The following MRPL9 variants were observed in gnomAD, a reference collection of about 807,000 sequenced individuals.
The protein encoded by MRPL9 is large ribosomal subunit protein bL9m.
MRPL9 carries 25 observed loss-of-function variants against 27.6 expected under a neutral mutation model. The ratio of observed to expected loss-of-function variants is 0.91; its 90% CI spans 0.66 to 1.27. The LOEUF (loss-of-function observed/expected upper bound fraction) is 1.27, where lower values mean the gene tolerates loss of function less well. MRPL9 is among the 50% of genes most tolerant of loss of function. The pLI is 0.00. For synonymous variants in MRPL9, 154 were observed against 139.0 expected (o/e 1.11, Z -0.76); for missense variants, 362 against 338.0 (o/e 1.07, Z -0.56).
rs750647154 is a variant in MRPL9, at chr1:151,760,157, C to G, written c.697G>C (p.Val233Leu). 2 of 1,614,050 alleles carry G rather than the reference C, an allele frequency of 1.2e-6. No individual in the cohort carries two copies. The highest frequency in any genetic ancestry group is 1.6e-4 in the Middle Eastern group (1 of 6,084). Reference sequence around the variant, plus strand: ...TCAAAGTTCACGACAGACATAGGCACTCTCACAGTATCAAGCCCATTTACC... The same window carrying G: ...TCAAAGTTCACGACAGACATAGGCAGTCTCACAGTATCAAGCCCATTTACC... ...VTVNGLDTVRVPMSVVNFEKP... is the reference protein window; with the variant it reads ...VTVNGLDTVRLPMSVVNFEKP... The change falls in exon 7 of 7, where the codon GTG becomes CTG. Residue 233 changes from valine to leucine, a missense_variant. Val to Leu is a conservative substitution (Grantham distance 32, BLOSUM62 1). Coordinates refer to ENST00000368830, the MANE Select transcript of MRPL9 (RefSeq NM_031420.4).
At chr1:151,760,317 C>CA (rs1648006277) in intron 6 of MRPL9, 136 bp from the exon 7 acceptor site, 1 of 1,111,638 alleles carries the variant, frequency 9.0e-7, no homozygotes, top group Non-Finnish European at 1.3e-6. Context: ...GTGGCTTATG[C>CA]CTGTAATCCC....
In MRPL9 at chr1:151,763,056, G is replaced by A. The variant is rs766029252; in HGVS notation, c.244C>T (p.Leu82=). The A allele has an allele frequency of 6.2e-7, 1 of 1,614,178 alleles. No individual in the cohort carries two copies. The highest frequency in any genetic ancestry group is 8.5e-7 in the Non-Finnish European group (1 of 1,180,034). The stretch of plus-strand genomic sequence containing the variant: ...GGCCGATGCTTCGTGTCCTCCACCA[G>A]CTTATAGACGCGATGTCGCCGGTGC... ...RLHRRHRVYK[L]VEDTKHRPKE... is the part of the protein sequence containing the mutation. The change falls in exon 2 of 7, where the codon CTG becomes TTG. Residue 82 remains leucine, a synonymous_variant. Coordinates refer to ENST00000368830, the MANE Select transcript of MRPL9 (RefSeq NM_031420.4).
In MRPL9 at chr1:151,761,441, A is replaced by G; in HGVS notation, c.588+10T>C. 2 of 1,605,800 alleles carry G rather than the reference A, an allele frequency of 1.2e-6. No individual in the cohort carries two copies. The highest frequency in any genetic ancestry group is 1.7e-6 in the Non-Finnish European group (2 of 1,172,612). On this transcript the variant is annotated intron_variant, in intron 5 of 6. Coordinates refer to ENST00000368830, the MANE Select transcript of MRPL9 (RefSeq NM_031420.4). ...CAGGGGTAGAGTGGTTTTTGGGAAC[A>G]CTCACTCACATTCTTAAAGAAGTGG...
intron 3 of MRPL9, 89 bp downstream of exon 3, chr1:151,762,287 C>T: frequency 2.5e-6 from 4 of 1,591,016 alleles, no homozygotes; most frequent in Non-Finnish European, 3.4e-6. Flanking sequence ...ATTTCATTTT[C>T]AAGTTAAGTT....
Position 151,759,728 on chromosome 1 carries a change from A to G in MRPL9, c.*322T>C, listed in dbSNP as rs1270571356. ...GATGAGAATGAGGCAAGTACTGGAG[A>G]CAATGGCTGGCTCTCCTGTTTGTCC... is the stretch of plus-strand genomic sequence containing the variant. On this transcript the variant is annotated 3_prime_UTR_variant, in exon 7 of 7. Coordinates refer to ENST00000368830, the MANE Select transcript of MRPL9 (RefSeq NM_031420.4). The G allele has an allele frequency of 1.3e-5, 3 of 239,832 alleles. No homozygotes were observed. Among genetic ancestry groups the G allele is most frequent in the Non-Finnish European group, 2.4e-5 (3 of 125,964 alleles). 14.9% of individuals were successfully genotyped at this position (239,832 alleles called of 1,614,324 possible). A position where few individuals can be genotyped will look rare whatever the true frequency, so the allele number is the denominator to read the frequency against.
chr1:151,761,467 C>A lies in MRPL9; in HGVS notation c.572G>T (p.Arg191Leu). The change falls in exon 5 of 7, where the codon CGC (arginine) becomes CTC (leucine). Residue 191 changes from arginine (R) to leucine (L), a missense_variant. By Grantham distance (102) the Arg-to-Leu change is moderately radical. Coordinates refer to ENST00000368830, the MANE Select transcript of MRPL9 (RefSeq NM_031420.4). The stretch of plus-strand genomic sequence containing the variant: ...CTCACTCACATTCTTAAAGAAGTGG[C>A]GGGCAACTATTTCAGGGTTCAGCTC... The part of the protein sequence containing the change: ...KWELNPEIVA[R>L]HFFKNLGVVV... The A allele has an allele frequency of 6.2e-7, 1 of 1,613,224 alleles. No individual in the cohort carries two copies. Among genetic ancestry groups the A allele is most frequent in the South Asian group, 1.1e-5 (1 of 91,068 alleles).
At chr1:151,762,594 G>T in intron 2 of MRPL9, 94 bp from the exon 3 acceptor site, 1 of 1,320,340 alleles carries the variant, frequency 7.6e-7, no homozygotes, top group Non-Finnish European at 1.0e-6. Flanking sequence ...GTTTCTCACA[G>T]TGCTTATTTT....
At position 151,760,138 on chromosome 1, in the gene MRPL9, T is replaced by C. The variant is rs1647996988; in HGVS notation, c.716A>G (p.Asn239Ser). ...TCTTTTGGTCTTGGGCTTCTCAAAG[T>C]TCACGACAGACATAGGCACTCTCAC... ...DTVRVPMSVV[N>S]FEKPKTKRYK... The change falls in exon 7 of 7, where the codon AAC (asparagine) becomes AGC (serine). Residue 239 changes from asparagine to serine, a missense_variant. Coordinates refer to ENST00000368830, the MANE Select transcript of MRPL9 (RefSeq NM_031420.4). 2 of 1,614,064 alleles carry C rather than the reference T, an allele frequency of 1.2e-6. No homozygotes were observed. The highest frequency in any genetic ancestry group is 1.3e-5 in the African/African-American group (1 of 74,920).
Position 151,760,072 on chromosome 1 carries a change from G to T in MRPL9, c.782C>A (p.Ala261Asp). 2.5e-6 allele frequency: 4 copies of T among 1,614,042 alleles called. No individual in the cohort carries two copies. Among genetic ancestry groups the T allele is most frequent in the Non-Finnish European group, 3.4e-6 (4 of 1,179,966 alleles). ...GATTTAGATCTGGGGGCTGGTGGGG[G>T]CCATAGCCTTGGCAGCTTGCTGGGC... Reference protein sequence around the residue: ...WLAQQAAKAMAPTSPQI With the variant: ...WLAQQAAKAMDPTSPQI The change falls in exon 7 of 7, where the codon GCC becomes GAC. Residue 261 changes from alanine to aspartate, a missense_variant. Transcript: ENST00000368830.
chr1:151,760,706 A>C (rs557374486), intron 6 of MRPL9, 110 bp downstream of exon 6: 1 of 987,800 alleles, frequency 1.0e-6, no homozygotes, highest in Admixed American at 3.3e-5. Flanking sequence ...AGGAGTTTGA[A>C]TCCAGCCTGG....
intron 4 of MRPL9, 132 bp downstream of exon 4, chr1:151,761,973 G>A: frequency 1.1e-6 from 1 of 878,364 alleles, no homozygotes; most frequent in Non-Finnish European, 1.9e-6. Flanking sequence ...TGTTTTGTGG[G>A]GCAGCCACAA....
At position 151,759,759 on chromosome 1, in the gene MRPL9, A is replaced by C. The variant is rs759225567; in HGVS notation, c.*291T>G. ...GCTGGCTCTCCTGTTTGTCCCAATA[A>C]ACTCCAATGGAGGAAGAAGCTAAAC... is the stretch of plus-strand genomic sequence containing the variant. On this transcript the variant is annotated 3_prime_UTR_variant, in exon 7 of 7. Transcript: ENST00000368830. The C allele has an allele frequency of 2.7e-5, 8 of 293,364 alleles. No homozygotes were observed. The highest frequency in any genetic ancestry group is 5.0e-5 in the Non-Finnish European group (8 of 159,836). 18.2% of individuals were successfully genotyped at this position (293,364 alleles called of 1,614,324 possible).
At position 151,762,699 on chromosome 1, in the gene MRPL9, C is replaced by T. The variant is rs140992320; in HGVS notation, c.311-199G>A. ...AACTTGATGTATAAATTTAATATCC[C>T]CTGTATAGAGGGAGTTGTCGTCCCA... On this transcript the variant is annotated intron_variant, in intron 2 of 6. Transcript: ENST00000368830. The T allele has an allele frequency of 6.2e-4, 414 of 669,244 alleles. 4 individuals are homozygous for T. The East Asian group carries it at 0.011, about 18-fold the overall frequency. 41.5% of individuals were successfully genotyped at this position (669,244 alleles called of 1,614,324 possible).
At chr1:151,760,576 C>CAAAAAA (rs11454049) in intron 6 of MRPL9, among the ~76,000 whole-genome samples, 1 of 50,344 alleles carries the variant, frequency 2.0e-5, no homozygotes, top group Admixed American at 3.2e-4. Context: ...GACTCCAGCT[C>CAAAAAA]AAAAAAAAAA....
rs755031728 is a variant in MRPL9, at chr1:151,760,903, C to CAAAAAAAAAAA, written c.589-15_589-5dup. The CAAAAAAAAAAA allele has an allele frequency of 3.2e-4, 305 of 953,582 alleles. 1 individual carries two copies. The highest frequency in any genetic ancestry group is 3.5e-4 in the Non-Finnish European group (256 of 736,088). The allele number at this position is 953,582 out of a possible 1,614,324, so 59.1% of individuals were successfully genotyped here. ...GTGGGGCAACCACAACACCAAGCTG[C>CAAAAAAAAAAA]AAAAAAAAAAAAAAAAAAAAAAATC... On this transcript the variant is annotated splice_polypyrimidine_tract_variant and splice_region_variant and intron_variant, in intron 5 of 6. Coordinates refer to ENST00000368830, the MANE Select transcript of MRPL9 (RefSeq NM_031420.4).
rs1558127023 is a variant in MRPL9 at position 151,760,187 on chromosome 1, C to T, written c.673-6G>A. 3 of 1,614,050 alleles carry T rather than the reference C, an allele frequency of 1.9e-6. No homozygotes were observed. Among genetic ancestry groups the T allele is most frequent in the Middle Eastern group, 1.7e-4 (1 of 6,058 alleles). ...ACAGTATCAAGCCCATTTACCTGCA[C>T]ACAAAACAATGGGAATTCTCAGAGA... On this transcript the variant is annotated splice_region_variant and splice_polypyrimidine_tract_variant and intron_variant, in intron 6 of 6. Transcript: ENST00000368830.
chr1:151,762,319 T>G, intron 3 of MRPL9, 57 bp downstream of exon 3: 1 of 1,608,854 alleles, frequency 6.2e-7, no homozygotes, highest in Non-Finnish European at 8.5e-7. Context: ...GGAAGGAAGC[T>G]GCAAGAGAAA....
Position 151,763,452 on chromosome 1 carries a change from C to G in MRPL9, c.28G>C (p.Gly10Arg), listed in dbSNP as rs1281548281. The change falls in exon 1 of 7, where the codon GGC becomes CGC. Residue 10 changes from glycine (G) to arginine (R), a missense_variant. Gly to Arg is a moderately radical substitution (Grantham distance 125). Transcript: ENST00000368830. MAAPVVTAP[G>R]RALLRAGAGR... ...GCGCCCGCCCGCAGCAGAGCTCTGC[C>G]CGGGGCCGTGACAACGGGCGCCGCC... is the stretch of plus-strand genomic sequence containing the variant. 1 of 1,573,874 alleles carries G rather than the reference C, an allele frequency of 6.4e-7. No individual in the cohort carries two copies. The highest frequency in any genetic ancestry group is 8.6e-7 in the Non-Finnish European group (1 of 1,160,104).
In MRPL9 at chr1:151,762,112, C is replaced by T; in HGVS notation, c.479G>A (p.Gly160Asp). 1.9e-6 allele frequency: 3 copies of T among 1,614,186 alleles called. No homozygotes were observed. The highest frequency in any genetic ancestry group is 2.5e-6 in the Non-Finnish European group (3 of 1,180,018). The change falls in exon 4 of 7, where the codon GGT becomes GAT. Residue 160 changes from glycine to aspartate, a missense_variant. Coordinates refer to ENST00000368830, the MANE Select transcript of MRPL9 (RefSeq NM_031420.4). The part of the protein sequence containing the change: ...GKLEKIQTKA[G>D]EATVKFLKSC... ...TTTTATGTTTCTACTCACCGCCTCA[C>T]CTGCCTTGGTCTGGATCTTCTCTAA...
Sources: allele counts gnomAD v4.1 joint callset (sites outside exome capture counted in the v4.1 genomes callset), GRCh38; gene constraint gnomAD v4.1.1; transcripts MANE v1.5; gene names NCBI Gene and HGNC (gene_info 2026-07-23, HGNC 2026-07-21).